The following ADAMTS16 variants were observed in gnomAD, a reference collection of about 807,000 sequenced individuals.
ADAMTS16 encodes A disintegrin and metalloproteinase with thrombospondin motifs 16.
Under a neutral mutation model 145.8 loss-of-function variants are expected in ADAMTS16, and 94 were observed. The ratio of observed to expected loss-of-function variants is 0.64; its 90% CI spans 0.55 to 0.77. The LOEUF (loss-of-function observed/expected upper bound fraction) is 0.77, where lower values mean the gene tolerates loss of function less well. Ranked by LOEUF, ADAMTS16 falls within the 30% of genes least tolerant of loss-of-function variation. The pLI, the probability that ADAMTS16 is intolerant of heterozygous loss-of-function variation, is 0.00. For synonymous variants in ADAMTS16, 659 were observed against 604.3 expected (o/e 1.09, Z -1.33); for missense variants, 1,585 against 1,591.5 (o/e 1.00, Z 0.07).
intron 18 of ADAMTS16, among the ~76,000 whole-genome samples, chr5:5,292,238 G>A (rs1739352384): frequency 6.6e-6 from 1 of 152,316 alleles, no homozygotes; most frequent in East Asian, 1.9e-4. Context: ...GCTCACGCCT[G>A]TAATCCCAGC....
chr5:5,186,505 T>C (rs1339142110), intron 5 of ADAMTS16, among the ~76,000 whole-genome samples: 1 of 152,180 alleles, frequency 6.6e-6, no homozygotes, highest in African/African-American at 2.4e-5. Context: ...TCTGTAAGCC[T>C]GTGAGATGTT....
chr5:5,306,669 C>T lies in ADAMTS16; in HGVS notation c.3352C>T (p.Pro1118Ser), dbSNP rs202213869. The T allele has an allele frequency of 1.2e-3, 1,859 of 1,614,012 alleles. 4 individuals are homozygous for T. Among genetic ancestry groups the T allele is most frequent in the South Asian group, 2.3e-3 (206 of 91,072 alleles). The change falls in exon 21 of 23, where the codon CCC becomes TCC. Residue 1118 changes from proline (P) to serine (S), a missense_variant. Physicochemically the swap from Pro to Ser is moderately conservative, Grantham distance 74. Transcript: ENST00000274181. ...ACAPLPCPRHPPFAAAGPSRG... is the reference protein window; with the variant it reads ...ACAPLPCPRHSPFAAAGPSRG... ...CGCCCCGCTTCCATGCCCCAGGCAC[C>T]CCCCATTTGCTGCTGCGGGACCCTC...
chr5:5,166,243 T>TCA (rs141620778), intron 3 of ADAMTS16, among the ~76,000 whole-genome samples: 37,225 of 149,512 alleles, frequency 0.25, 4,981 homozygotes, highest in Admixed American at 0.43. Context: ...CCACTCACCA[T>TCA]CACACACACA....
At chr5:5,230,318 T>C (rs549914049) in intron 11 of ADAMTS16, among the ~76,000 whole-genome samples, 37 of 152,346 alleles carry the variant, frequency 2.4e-4, no homozygotes, top group Middle Eastern at 6.8e-3. Context: ...TGTGATTCTA[T>C]GTTAACTGAG....
At chr5:5,296,593 G>A (rs755077711) in intron 18 of ADAMTS16, among the ~76,000 whole-genome samples, 1 of 151,612 alleles carries the variant, frequency 6.6e-6, no homozygotes, top group Non-Finnish European at 1.5e-5. Context: ...AGTCATCCAG[G>A]CCCCCAGGCT....
chr5:5,257,273 C>A (rs1278527329), intron 17 of ADAMTS16, among the ~76,000 whole-genome samples: 2 of 152,150 alleles, frequency 1.3e-5, no homozygotes, highest in Admixed American at 6.5e-5. Flanking sequence ...CCACTACTAA[C>A]TTGTCCAAGC....
intron 8 of ADAMTS16, among the ~76,000 whole-genome samples, chr5:5,199,664 G>A (rs927382430): frequency 2.6e-5 from 4 of 152,150 alleles, no homozygotes; most frequent in African/African-American, 4.8e-5. Flanking sequence ...CATCAAACTC[G>A]CCTGGGGAGT....
Position 5,140,368 on chromosome 5 carries a change from A to C in ADAMTS16, c.-100A>C. On this transcript the variant is annotated 5_prime_UTR_variant, in exon 1 of 23. Coordinates refer to ENST00000274181, the MANE Select transcript of ADAMTS16 (RefSeq NM_139056.4). ...GCGCGGCGGCGGAGTCGCTGTGGGG[A>C]ATCCTCCCGCGCTCTGCCTGGGTCG... is the stretch of plus-strand genomic sequence containing the variant. 1 of 1,206,452 alleles carries C rather than the reference A, an allele frequency of 8.3e-7. No individual in the cohort carries two copies. Among genetic ancestry groups the C allele is most frequent in the Non-Finnish European group, 1.1e-6 (1 of 913,380 alleles). The allele number at this position is 1,206,452 out of a possible 1,614,324, so 74.7% of individuals were successfully genotyped here. A position where few individuals can be genotyped will look rare whatever the true frequency, so the allele number is the denominator to read the frequency against.
chr5:5,306,226 T>C (rs900487178), intron 20 of ADAMTS16, among the ~76,000 whole-genome samples: 2 of 152,218 alleles, frequency 1.3e-5, no homozygotes, highest in Non-Finnish European at 2.9e-5. Flanking sequence ...AACATTTTAA[T>C]TTTCCAGTGA....
rs192888976 is a variant in ADAMTS16, at chr5:5,153,052, T to C, written c.501+6597T>C. On this transcript the variant is annotated intron_variant, in intron 3 of 22. Coordinates refer to ENST00000274181, the MANE Select transcript of ADAMTS16 (RefSeq NM_139056.4). ...ACTAGCACTTGAAACCACAGTACTATTTCACTTCCCTTAATCATGGAGCTG... is the reference window on the plus strand; with the variant it reads ...ACTAGCACTTGAAACCACAGTACTACTTCACTTCCCTTAATCATGGAGCTG... Among the ~76,000 whole-genome samples the C allele has an allele frequency of 1.8e-4, 28 of 152,336 alleles. No individual in the cohort carries two copies. In the East Asian group the frequency reaches 4.4e-3, roughly 24 times the overall value.
intron 21 of ADAMTS16, among the ~76,000 whole-genome samples, chr5:5,307,283 C>T (rs958794219): frequency 3.9e-5 from 6 of 152,160 alleles, no homozygotes; most frequent in Non-Finnish European, 5.9e-5. Context: ...TTAGGAGTTC[C>T]GAAGGCTGAC....
chr5:5,308,714 C>G (rs10068364), intron 21 of ADAMTS16, among the ~76,000 whole-genome samples: 2 of 152,008 alleles, frequency 1.3e-5, no homozygotes, highest in African/African-American at 4.8e-5. Context: ...TTTGGGAGGC[C>G]GAGGCACGTG....
intron 11 of ADAMTS16, among the ~76,000 whole-genome samples, chr5:5,230,505 A>C (rs1736890858): frequency 1.3e-5 from 2 of 152,176 alleles, no homozygotes; most frequent in Admixed American, 1.3e-4. Flanking sequence ...TCTGGGAGTC[A>C]GTGTTGGGAG....
At chr5:5,163,128 G>A (rs1185048662) in intron 3 of ADAMTS16, among the ~76,000 whole-genome samples, 1 of 151,986 alleles carries the variant, frequency 6.6e-6, no homozygotes, top group Non-Finnish European at 1.5e-5. Context: ...TAGGTATTGG[G>A]GCATTTTTAT....
intron 3 of ADAMTS16, among the ~76,000 whole-genome samples, chr5:5,173,966 A>G (rs1283625710): frequency 2.0e-5 from 3 of 152,194 alleles, no homozygotes; most frequent in Non-Finnish European, 4.4e-5. Flanking sequence ...TCTACTCAAG[A>G]TATGAGTGAT....
At chr5:5,194,328 GTAA>G (rs1032598410) in intron 8 of ADAMTS16, among the ~76,000 whole-genome samples, 1 of 152,166 alleles carries the variant, frequency 6.6e-6, no homozygotes, top group African/African-American at 2.4e-5. Context: ...GGCAATAATA[GTAA>G]TAGTAGTAAC....
intron 10 of ADAMTS16, among the ~76,000 whole-genome samples, chr5:5,221,822 A>G (rs1282212165): frequency 5.9e-5 from 9 of 152,224 alleles, no homozygotes; most frequent in Admixed American, 5.9e-4. Flanking sequence ...ACCAGGCAGC[A>G]AAATGCCATC....
chr5:5,318,355 G>A, intron 22 of ADAMTS16, 74 bp downstream of exon 22: 1 of 1,316,024 alleles, frequency 7.6e-7, no homozygotes, highest in Non-Finnish European at 9.9e-7. Flanking sequence ...AGTTCCTTGG[G>A]GGGCCTGGAG....
At chr5:5,189,617 G>A (rs1304425573) in intron 6 of ADAMTS16, among the ~76,000 whole-genome samples, 3 of 152,212 alleles carry the variant, frequency 2.0e-5, no homozygotes, top group African/African-American at 7.2e-5. Flanking sequence ...ACAAAGCCAT[G>A]TATAAATGAT....
Sources: allele counts gnomAD v4.1 joint callset (sites outside exome capture counted in the v4.1 genomes callset), GRCh38; gene constraint gnomAD v4.1.1; transcripts MANE v1.5; gene names NCBI Gene and HGNC (gene_info 2026-07-23, HGNC 2026-07-21).